Variants in PDE7A observed in about 807,000 individuals in gnomAD.
PDE7A encodes the protein high affinity 3',5'-cyclic-AMP phosphodiesterase 7A.
A neutral mutation model predicts 64.3 loss-of-function variants in PDE7A; 39 were observed. That is an observed-to-expected ratio of 0.61 (90% confidence interval 0.47 to 0.79). PDE7A has a LOEUF of 0.79. Among genes scored for constraint, PDE7A ranks in the 30% least tolerant of loss-of-function variants. The pLI is 0.00. For missense variants in PDE7A, 470 were observed against 582.8 expected, an observed-to-expected ratio of 0.81 and a Z score of 1.99; for synonymous variants, 203 against 206.8, an observed-to-expected ratio of 0.98 and a Z score of 0.16.
At chr8:65,793,484 T>TAAAAAAAAAAAAAAAAAA (rs11339152) in intron 1 of PDE7A, among the ~76,000 whole-genome samples, 1 of 137,826 alleles carries the variant, frequency 7.3e-6, no homozygotes, top group Admixed American at 7.3e-5. Flanking sequence ...TAAAGTTTCC[T>TAAAAAAAAAAAAAAAAAA]AAAAAAAAAA....
chr8:65,823,034 GT>G (rs776472604), intron 1 of PDE7A, among the ~76,000 whole-genome samples: 58 of 152,102 alleles, frequency 3.8e-4, no homozygotes, highest in Non-Finnish European at 6.5e-4. Flanking sequence ...ATAAATACAA[GT>G]AAAATCTTCA....
At chr8:65,771,256 TA>T (rs1809071863) in intron 3 of PDE7A, 1 of 153,038 alleles carries the variant, frequency 6.5e-6, no homozygotes, top group South Asian at 2.0e-4. Flanking sequence ...TAAAAAATCT[TA>T]AAAGAAAAGT....
At chr8:65,755,668 T>C (rs1025613109) in intron 3 of PDE7A, among the ~76,000 whole-genome samples, 1 of 152,260 alleles carries the variant, frequency 6.6e-6, no homozygotes, top group Non-Finnish European at 1.5e-5. Flanking sequence ...ACCAAAAATA[T>C]AACACTGGTT....
chr8:65,780,389 A>G lies in PDE7A; in HGVS notation c.200-586T>C, dbSNP rs186939205. 1.8e-4 allele frequency among the ~76,000 whole-genome samples: 27 copies of G among 152,064 alleles called. No individual in the cohort carries two copies. The East Asian group carries it at 5.2e-3, about 29-fold the overall frequency. On this transcript the variant is annotated intron_variant, in intron 2 of 12. Coordinates refer to ENST00000401827, the MANE Select transcript of PDE7A (RefSeq NM_001242318.3). ...TGTTTTAAAGTCAATCTGATTAATC[A>G]CTCTTTTCTCATTGACAGTGGGTAC... is the stretch of plus-strand genomic sequence containing the variant.
intron 3 of PDE7A, among the ~76,000 whole-genome samples, chr8:65,762,990 A>G (rs1808583033): frequency 8.1e-6 from 1 of 123,768 alleles, no homozygotes; most frequent in African/African-American, 3.3e-5. Flanking sequence ...ATATAAAAAC[A>G]ATGTGTGTGT....
chr8:65,790,217 G>A (rs1809663617), intron 1 of PDE7A, among the ~76,000 whole-genome samples: 1 of 152,244 alleles, frequency 6.6e-6, no homozygotes, highest in African/African-American at 2.4e-5. Context: ...AGATGACGCT[G>A]CAGCCCTGGG....
intron 3 of PDE7A, among the ~76,000 whole-genome samples, chr8:65,771,820 A>C (rs577464520): frequency 6.9e-6 from 1 of 144,988 alleles, no homozygotes; most frequent in East Asian, 2.0e-4. Flanking sequence ...GGCTGCAGTG[A>C]GCCACGATTG....
At chr8:65,766,470 A>C (rs951210343) in intron 3 of PDE7A, among the ~76,000 whole-genome samples, 1 of 152,242 alleles carries the variant, frequency 6.6e-6, no homozygotes, top group Admixed American at 6.5e-5. Flanking sequence ...GTTGAATGAA[A>C]GCAGGAACTT....
At chr8:65,770,430 T>C (rs1412362943) in intron 3 of PDE7A, among the ~76,000 whole-genome samples, 1 of 152,134 alleles carries the variant, frequency 6.6e-6, no homozygotes, top group Non-Finnish European at 1.5e-5. Context: ...TATAAAATCA[T>C]CAGATTTCGT....
intron 7 of PDE7A, among the ~76,000 whole-genome samples, chr8:65,734,586 C>T (rs531141882): frequency 2.6e-5 from 4 of 152,274 alleles, no homozygotes; most frequent in African/African-American, 9.6e-5. Context: ...TTGGGCTTCT[C>T]CAGCCTCTCT....
chr8:65,738,239 T>C (rs1313964341), intron 6 of PDE7A, among the ~76,000 whole-genome samples: 1 of 151,200 alleles, frequency 6.6e-6, no homozygotes, highest in Non-Finnish European at 1.5e-5. Context: ...TAAGTTGTAA[T>C]CTTTTTGCTG....
intron 3 of PDE7A, among the ~76,000 whole-genome samples, chr8:65,755,691 T>A (rs920334471): frequency 6.6e-6 from 1 of 152,276 alleles, no homozygotes; most frequent in African/African-American, 2.4e-5. Context: ...TATATTTACT[T>A]GTGTAGTAAC....
chr8:65,790,669 T>TG (rs2128925914), intron 1 of PDE7A, among the ~76,000 whole-genome samples: 1 of 152,270 alleles, frequency 6.6e-6, no homozygotes, highest in South Asian at 2.1e-4. Context: ...CTGAAACCAT[T>TG]CTTAACACAT....
At chr8:65,810,742 T>C (rs1287704537) in intron 1 of PDE7A, among the ~76,000 whole-genome samples, 2 of 152,164 alleles carry the variant, frequency 1.3e-5, no homozygotes, top group Non-Finnish European at 2.9e-5. Flanking sequence ...CACTCCCATA[T>C]AAATACTCCT....
At chr8:65,798,942 G>A (rs1353908769) in intron 1 of PDE7A, among the ~76,000 whole-genome samples, 1 of 152,106 alleles carries the variant, frequency 6.6e-6, no homozygotes, top group Admixed American at 6.5e-5. Flanking sequence ...TACATGCAAT[G>A]AAATAAATAA....
At chr8:65,832,899 C>T (rs1023926954) in intron 1 of PDE7A, among the ~76,000 whole-genome samples, 1 of 152,170 alleles carries the variant, frequency 6.6e-6, no homozygotes, top group Non-Finnish European at 1.5e-5. Context: ...TCTGAGGTAA[C>T]GTCCTTTTCC....
intron 6 of PDE7A, among the ~76,000 whole-genome samples, chr8:65,738,135 C>T (rs1807232730): frequency 6.7e-6 from 1 of 148,904 alleles, no homozygotes; most frequent in South Asian, 2.1e-4. Context: ...ATTAAGTGTA[C>T]AATAGCATTA....
rs1251352831 is a variant in PDE7A, at chr8:65,841,463, C to T, written c.46G>A (p.Val16Ile). 20 of 1,562,918 alleles carry T rather than the reference C, an allele frequency of 1.3e-5. No homozygotes were observed. The highest frequency in any genetic ancestry group is 1.6e-5 in the Non-Finnish European group (18 of 1,159,508). Residue 16 changes from valine (V) to isoleucine (I), a missense_variant, in exon 1 of 13, where the codon GTC (valine) becomes ATC (isoleucine). Coordinates refer to ENST00000401827, the MANE Select transcript of PDE7A (RefSeq NM_001242318.3). ...QLPVLPLDRP[V>I]PQHVLSRRGA... Reference sequence around the variant, plus strand: ...CGGCGGCTGAGGACGTGCTGGGGGACCGGCCTGTCCAGGGGCAGTACCGGC... The same window carrying T: ...CGGCGGCTGAGGACGTGCTGGGGGATCGGCCTGTCCAGGGGCAGTACCGGC...
At chr8:65,777,237 G>A (rs188876850) in intron 3 of PDE7A, among the ~76,000 whole-genome samples, 222 of 151,846 alleles carry the variant, frequency 1.5e-3, no homozygotes, top group Non-Finnish European at 2.5e-3. Flanking sequence ...GCACCACCAC[G>A]CCTGGCTAAT....
Sources: gnomAD v4.1 joint callset for allele counts (sites outside exome capture counted in the v4.1 genomes callset) on GRCh38, gnomAD v4.1.1 for gene constraint, MANE v1.5 for transcripts, NCBI Gene and HGNC (gene_info 2026-07-23, HGNC 2026-07-21) for gene names.